RXRA: variants seen among roughly 807,000 people sequenced by gnomAD.
RXRA encodes the protein retinoid X receptor alpha.
Under a neutral mutation model 44.5 loss-of-function variants are expected in RXRA, and 5 were observed. The ratio of observed to expected loss-of-function variants is 0.11; its 90% CI spans 0.06 to 0.24. The LOEUF (loss-of-function observed/expected upper bound fraction) is 0.24, where lower values mean the gene tolerates loss of function less well. RXRA is among the 10% of genes least tolerant of loss of function. RXRA has a pLI of 1.00. For synonymous variants in RXRA, 291 were observed against 271.4 expected (o/e 1.07, Z -0.71); for missense variants, 412 against 646.5 (o/e 0.64, Z 3.93).
At chr9:134,431,340 C>T (rs1055549631) in intron 7 of RXRA, among the ~76,000 whole-genome samples, 9 of 152,214 alleles carry the variant, frequency 5.9e-5, no homozygotes, top group African/African-American at 1.2e-4. Flanking sequence ...GGGCTTTCCC[C>T]GTGTTGAGGC....
chr9:134,326,646 T>G lies in RXRA; in HGVS notation c.15T>G (p.His5Gln). The G allele has an allele frequency of 1.0e-6, 1 of 961,232 alleles. No homozygotes were observed. The highest frequency in any genetic ancestry group is 1.9e-5 in the African/African-American group (1 of 53,110). 59.5% of individuals were successfully genotyped at this position (961,232 alleles called of 1,614,324 possible). A position where few individuals can be genotyped will look rare whatever the true frequency, so the allele number is the denominator to read the frequency against. The change falls in exon 1 of 10, where the codon CAT becomes CAG. Residue 5 changes from histidine (H) to glutamine (Q), a missense_variant. Transcript: ENST00000481739. ...TAGTCGCAGACATGGACACCAAACA[T>G]TTCCTGCCGCTCGGTGAGTGCTCGC... is the stretch of plus-strand genomic sequence containing the variant. MDTKHFLPLDFSTQV... is the reference protein window; with the variant it reads MDTKQFLPLDFSTQV...
rs1276924315 is a variant in RXRA, at chr9:134,350,076, AG to A, written c.28+23425del. Among the ~76,000 whole-genome samples, 292 of 143,288 alleles carry A rather than the reference AG, an allele frequency of 2.0e-3. 2 individuals carry two copies. The highest frequency in any genetic ancestry group is 7.5e-3 in the African/African-American group (282 of 37,598). 94.0% of individuals were successfully genotyped at this position (143,288 alleles called of 152,430 possible). On this transcript the variant is annotated intron_variant, in intron 1 of 9. Coordinates refer to ENST00000481739, the MANE Select transcript of RXRA (RefSeq NM_002957.6). Reference sequence around the variant, plus strand: ...CCGCCAGATGGCTGTGTGTGTGTGTAGGGGGGGGTGGAAGGTGGGGGTACAG... The same window carrying A: ...CCGCCAGATGGCTGTGTGTGTGTGTAGGGGGGGTGGAAGGTGGGGGTACAG...
rs766777390 is a variant in RXRA, at chr9:134,366,005, T to A, written c.29-35627T>A. Reference sequence around the variant, plus strand: ...CCTGTCTTTGCAGGAGCCGCGGGGATCATCTGGCGGCTGCCTCCACCCCTG... The same window carrying A: ...CCTGTCTTTGCAGGAGCCGCGGGGAACATCTGGCGGCTGCCTCCACCCCTG... On this transcript the variant is annotated intron_variant, in intron 1 of 9. Transcript: ENST00000481739. This position sits in a 1 kb window ranked among gnomAD's most constrained non-coding sequence, Gnocchi z 5.9. Among the ~76,000 whole-genome samples, 1 of 152,032 alleles carries A rather than the reference T, an allele frequency of 6.6e-6. No homozygotes were observed. Among genetic ancestry groups the A allele is most frequent in the Non-Finnish European group, 1.5e-5 (1 of 67,986 alleles).
intron 3 of RXRA, among the ~76,000 whole-genome samples, chr9:134,408,616 G>A (rs746775502): frequency 6.6e-6 from 1 of 152,242 alleles, no homozygotes; most frequent in Admixed American, 6.5e-5. Context: ...CTGGGTCTGG[G>A]CAAGGGGCCC....
chr9:134,386,973 CCGT>C (rs1830729615), intron 1 of RXRA, among the ~76,000 whole-genome samples: 1 of 152,232 alleles, frequency 6.6e-6, no homozygotes, highest in South Asian at 2.1e-4. Context: ...GGACCTGACC[CCGT>C]CTTCCTGGGC....
chr9:134,361,590 C>T (rs185154009), intron 1 of RXRA, among the ~76,000 whole-genome samples: 1 of 152,354 alleles, frequency 6.6e-6, no homozygotes, highest in East Asian at 1.9e-4. Context: ...TTCATCAGGG[C>T]CTTCCACACC....
chr9:134,361,479 TGGGACA>T, intron 1 of RXRA, among the ~76,000 whole-genome samples: 1 of 151,734 alleles, frequency 6.6e-6, no homozygotes, highest in South Asian at 2.1e-4. Context: ...GCTGGGTGGC[TGGGACA>T]GGGATGGTGG....
At chr9:134,422,079 T>C in intron 6 of RXRA, 3 of 1,301,508 alleles carry the variant, frequency 2.3e-6, no homozygotes, top group Non-Finnish European at 2.0e-6. Context: ...CGCTCCCCTC[T>C]CCCAGGACAC....
rs950089029 is a variant in RXRA at position 134,434,667 on chromosome 9, C to T, written c.1241+460C>T. On this transcript the variant is annotated intron_variant, in intron 9 of 9. Coordinates refer to ENST00000481739, the MANE Select transcript of RXRA (RefSeq NM_002957.6). ...GGCCTGAGCGTAGCGCTCATGTTTCCCCCCTGCCCGGCTGTGGGCCCTGGA... is the reference window on the plus strand; with the variant it reads ...GGCCTGAGCGTAGCGCTCATGTTTCTCCCCTGCCCGGCTGTGGGCCCTGGA... 5.9e-5 allele frequency among the ~76,000 whole-genome samples: 9 copies of T among 152,378 alleles called. 1 individual carries two copies. In the East Asian group the frequency reaches 1.7e-3, roughly 29 times the overall value.
chr9:134,382,925 C>T (rs1016453323), intron 1 of RXRA, among the ~76,000 whole-genome samples: 12 of 152,176 alleles, frequency 7.9e-5, no homozygotes, highest in South Asian at 2.1e-4. Context: ...CGAATGCAGG[C>T]GTAGCTTCGG....
chr9:134,431,840 G>T, intron 7 of RXRA, 65 bp from the exon 8 acceptor site: 1 of 1,294,786 alleles, frequency 7.7e-7, no homozygotes, highest in East Asian at 2.3e-5. Flanking sequence ...TTGGGTATCT[G>T]GGGTGTGGCC....
intron 4 of RXRA, among the ~76,000 whole-genome samples, chr9:134,416,656 C>T (rs1170615518): frequency 3.3e-5 from 5 of 152,090 alleles, no homozygotes; most frequent in African/African-American, 7.2e-5. Context: ...CCCCGCCCCC[C>T]GCCGCAGGTT....
intron 1 of RXRA, among the ~76,000 whole-genome samples, chr9:134,372,853 G>A (rs1830507301): frequency 6.6e-6 from 1 of 152,220 alleles, no homozygotes; most frequent in Non-Finnish European, 1.5e-5. Context: ...TCTCTGGTCT[G>A]GACTGGGCGC....
At chr9:134,432,081 C>T (rs767443584) in intron 8 of RXRA, 85 bp downstream of exon 8, 5 of 1,048,012 alleles carry the variant, frequency 4.8e-6, no homozygotes, top group East Asian at 2.5e-5. Context: ...GTACTTCTTG[C>T]CTCTGGCTAC....
intron 4 of RXRA, among the ~76,000 whole-genome samples, chr9:134,416,304 C>T (rs1193419297): frequency 6.6e-6 from 1 of 152,198 alleles, no homozygotes; most frequent in Non-Finnish European, 1.5e-5. Flanking sequence ...GCTCATGCCT[C>T]AGGCCCCTTT....
chr9:134,398,727 C>T (rs1206790911), intron 1 of RXRA, among the ~76,000 whole-genome samples: 1 of 152,202 alleles, frequency 6.6e-6, no homozygotes, highest in African/African-American at 2.4e-5. Flanking sequence ...TGAAAGAATC[C>T]AGGAGTGTCT....
At chr9:134,387,829 C>T (rs1000765758) in intron 1 of RXRA, among the ~76,000 whole-genome samples, 1 of 152,202 alleles carries the variant, frequency 6.6e-6, no homozygotes, top group Non-Finnish European at 1.5e-5. Flanking sequence ...TCCCCAAGCC[C>T]GTGCCTCGCT....
chr9:134,354,652 G>A (rs1446885699), intron 1 of RXRA, among the ~76,000 whole-genome samples: 1 of 152,250 alleles, frequency 6.6e-6, no homozygotes, highest in Non-Finnish European at 1.5e-5. Flanking sequence ...GGTGGAGATG[G>A]CCTGGGCCGG....
chr9:134,427,099 A>G, intron 6 of RXRA: 1 of 984,240 alleles, frequency 1.0e-6, no homozygotes, highest in Non-Finnish European at 1.2e-6. Flanking sequence ...CCCACATGTC[A>G]GATTGAGGGG....
Sources: allele counts gnomAD v4.1 joint callset (sites outside exome capture counted in the v4.1 genomes callset), GRCh38; gene constraint gnomAD v4.1.1; non-coding constraint Gnocchi (gnomAD v3.1); transcripts MANE v1.5; gene names NCBI Gene and HGNC (gene_info 2026-07-23, HGNC 2026-07-21).